Variants in ACOX3 observed in about 807,000 individuals in gnomAD.
ACOX3 encodes acyl-CoA oxidase 3, pristanoyl, also known as peroxisomal acyl-coenzyme A oxidase 3.
In ACOX3, 73 loss-of-function variants were observed where a neutral mutation model predicts 81.5. The observed-to-expected ratio is 0.90, with a 90% CI of 0.74 to 1.09. The LOEUF (loss-of-function observed/expected upper bound fraction) is 1.09, where lower values mean the gene tolerates loss of function less well. Ranked by LOEUF, ACOX3 falls within the 50% of genes least tolerant of loss-of-function variation. The pLI, the probability that ACOX3 is intolerant of heterozygous loss-of-function variation, is 0.00. For missense variants in ACOX3, 947 were observed against 928.0 expected, an observed-to-expected ratio of 1.02 and a Z score of -0.27; for synonymous variants, 387 against 375.1, an observed-to-expected ratio of 1.03 and a Z score of -0.37.
Position 8,370,825 on chromosome 4 carries a change from C to G in ACOX3, c.1983+83G>C. 1 of 1,340,314 alleles carries G rather than the reference C, an allele frequency of 7.5e-7. No individual in the cohort carries two copies. The highest frequency in any genetic ancestry group is 1.2e-5 in the South Asian group (1 of 83,582). The allele number at this position is 1,340,314 out of a possible 1,614,324, so 83.0% of individuals were successfully genotyped here. On this transcript the variant is annotated intron_variant, in intron 17 of 17. Coordinates refer to ENST00000356406, the MANE Select transcript of ACOX3 (RefSeq NM_003501.3). This position sits in a 1 kb window ranked among gnomAD's most constrained non-coding sequence, Gnocchi z 6.3. ...ACCACTTTCCAGAAGACACCAGACC[C>G]CTGACCCACAGGAGCATCTCAGCTC...
chr4:8,394,868 C>G lies in ACOX3; in HGVS notation c.1057-126G>C, dbSNP rs1719507508. The G allele has an allele frequency of 3.2e-6, 4 of 1,247,170 alleles. No homozygotes were observed. The highest frequency in any genetic ancestry group is 3.2e-6 in the Non-Finnish European group (3 of 925,426). The allele number at this position is 1,247,170 out of a possible 1,614,324, so 77.3% of individuals were successfully genotyped here. On this transcript the variant is annotated intron_variant, in intron 9 of 17. Coordinates refer to ENST00000356406, the MANE Select transcript of ACOX3 (RefSeq NM_003501.3). The surrounding 1 kb of genome is among the most constrained non-coding windows in gnomAD (Gnocchi z 5.9). Reference sequence around the variant, plus strand: ...CCACACACCCACTAGCGCTGAAGGTCTTCACATGTCTTCCCGGCACATCAG... The same window carrying G: ...CCACACACCCACTAGCGCTGAAGGTGTTCACATGTCTTCCCGGCACATCAG...
At chr4:8,397,583 A>C (rs1056555899) in intron 8 of ACOX3, among the ~76,000 whole-genome samples, 4 of 152,244 alleles carry the variant, frequency 2.6e-5, no homozygotes, top group African/African-American at 9.6e-5. Flanking sequence ...GTGAACAGGC[A>C]GTTCCTTTAC....
At chr4:8,438,341 C>T (rs550995757) in intron 1 of ACOX3, among the ~76,000 whole-genome samples, 1 of 152,288 alleles carries the variant, frequency 6.6e-6, no homozygotes, top group East Asian at 1.9e-4. Flanking sequence ...CTATTGGCTG[C>T]AAAGTTCAAG....
At position 8,407,976 on chromosome 4, in the gene ACOX3, C is replaced by T. The variant is rs1721196649; in HGVS notation, c.688-1933G>A. ...GACGCCAGAAGTGCTCAGCCCAGCC[C>T]TGGGCATACAGGGCGCCCCAGTGAG... On this transcript the variant is annotated intron_variant, in intron 6 of 17. Transcript: ENST00000356406. The surrounding 1 kb of genome is among the most constrained non-coding windows in gnomAD (Gnocchi z 4.6). Among the ~76,000 whole-genome samples, 4 of 152,210 alleles carry T rather than the reference C, an allele frequency of 2.6e-5. No homozygotes were observed. Among genetic ancestry groups the T allele is most frequent in the Non-Finnish European group, 2.9e-5 (2 of 68,028 alleles).
intron 6 of ACOX3, among the ~76,000 whole-genome samples, chr4:8,408,460 G>A (rs1348665434): frequency 6.6e-6 from 1 of 152,070 alleles, no homozygotes; most frequent in Non-Finnish European, 1.5e-5. Flanking sequence ...GTGGCGAGAG[G>A]GGCGACACAA....
At chr4:8,421,624 A>C (rs1321291846) in intron 1 of ACOX3, among the ~76,000 whole-genome samples, 1 of 152,192 alleles carries the variant, frequency 6.6e-6, no homozygotes, top group Non-Finnish European at 1.5e-5. Flanking sequence ...CTAGGTACTA[A>C]TGCTTCAGAC....
Position 8,367,015 on chromosome 4 carries a change from C to T in ACOX3, c.2049G>A (p.Trp683Ter), listed in dbSNP as rs1247369909. The change falls in exon 18 of 18, where the codon TGG becomes TGA. Residue 683 changes from tryptophan to a stop codon, truncating the protein, a stop_gained. Transcript: ENST00000356406. LOFTEE classifies it low-confidence loss of function (END_TRUNC). The stretch of plus-strand genomic sequence containing the variant: ...CAGGTTTGTTCACAGAAAACTCTGG[C>T]CACCAGGATGCCCGCTCCAACACCT... ...ESKVLERASW[W>*]PEFSVNKPVI... 3.1e-6 allele frequency: 5 copies of T among 1,614,122 alleles called. No individual in the cohort carries two copies. In the South Asian group the frequency reaches 4.4e-5, roughly 14 times the overall value.
intron 6 of ACOX3, among the ~76,000 whole-genome samples, chr4:8,409,960 CAGGGTTGTGGGAT>C (rs1486398869): frequency 6.0e-5 from 9 of 149,586 alleles, no homozygotes; most frequent in African/African-American, 2.2e-4. Context: ...GCACTGTGGG[CAGGGTTGTGGGAT>C]GCACTGTGGA....
At position 8,432,237 on chromosome 4, in the gene ACOX3, T is replaced by C. The variant is rs1370982463; in HGVS notation, c.-15+8411A>G. Among the ~76,000 whole-genome samples, 1 of 152,128 alleles carries C rather than the reference T, an allele frequency of 6.6e-6. No individual in the cohort carries two copies. Among genetic ancestry groups the C allele is most frequent in the Non-Finnish European group, 1.5e-5 (1 of 68,028 alleles). ...GGCAAATGTTACTGGCTTGAGCCAA[T>C]GAATTTTTTTTTTCGAGATGGAGTC... On this transcript the variant is annotated intron_variant, in intron 1 of 17. Coordinates refer to ENST00000356406, the MANE Select transcript of ACOX3 (RefSeq NM_003501.3). This position sits in a 1 kb window ranked among gnomAD's most constrained non-coding sequence, Gnocchi z 6.2.
rs1472201429 is a variant in ACOX3 at position 8,370,038 on chromosome 4, T to C, written c.1983+870A>G. Among the ~76,000 whole-genome samples, 1 of 152,106 alleles carries C rather than the reference T, an allele frequency of 6.6e-6. No individual in the cohort carries two copies. Among genetic ancestry groups the C allele is most frequent in the Non-Finnish European group, 1.5e-5 (1 of 68,022 alleles). ...AGGTGGGAGGGAGACACAAGGTCAG[T>C]GATGAGGCCAGCAAGGGCAGCACTA... On this transcript the variant is annotated intron_variant, in intron 17 of 17. Coordinates refer to ENST00000356406, the MANE Select transcript of ACOX3 (RefSeq NM_003501.3). This position sits in a 1 kb window ranked among gnomAD's most constrained non-coding sequence, Gnocchi z 6.3.
At chr4:8,357,627 T>C in the ACOX3 span, 3 of 275,060 alleles carry the variant, frequency 1.1e-5, no homozygotes, top group Non-Finnish European at 2.1e-5. Flanking sequence ...AAATGTTTTA[T>C]TTTCAAAATG....
At chr4:8,410,467 G>C in intron 5 of ACOX3, 112 bp from the exon 6 acceptor site, 4 of 1,390,304 alleles carry the variant, frequency 2.9e-6, no homozygotes, top group South Asian at 2.7e-5. Context: ...TCTGAGGCAA[G>C]AGTTGAAACT....
chr4:8,383,915 A>G (rs1271136891), intron 13 of ACOX3, among the ~76,000 whole-genome samples: 1 of 152,192 alleles, frequency 6.6e-6, no homozygotes, highest in East Asian at 1.9e-4. Context: ...TTACACAGCA[A>G]CAAAACCAAG....
rs528137518 is a variant in ACOX3 at position 8,406,460 on chromosome 4, C to A, written c.688-417G>T. 1.3e-4 allele frequency among the ~76,000 whole-genome samples: 20 copies of A among 152,270 alleles called. No individual in the cohort carries two copies. The highest frequency in any genetic ancestry group is 6.8e-3 in the Middle Eastern group (2 of 294). On this transcript the variant is annotated intron_variant, in intron 6 of 17. Coordinates refer to ENST00000356406, the MANE Select transcript of ACOX3 (RefSeq NM_003501.3). The surrounding 1 kb of genome is among the most constrained non-coding windows in gnomAD (Gnocchi z 5.6). ...CTCCCCGTGTGTGGAGACAAGAGAG[C>A]ATAGAGATAAAGACACAAGACAAAG...
In ACOX3 at chr4:8,406,132, C is replaced by T. The variant is rs900064938; in HGVS notation, c.688-89G>A. ...TGTGTTCAGAAACCCACAGGGTGGG[C>T]CATGGGCTCAACGCTGGGCGGCTGT... On this transcript the variant is annotated intron_variant, in intron 6 of 17. Coordinates refer to ENST00000356406, the MANE Select transcript of ACOX3 (RefSeq NM_003501.3). This position sits in a 1 kb window ranked among gnomAD's most constrained non-coding sequence, Gnocchi z 5.6. The T allele has an allele frequency of 8.4e-5, 110 of 1,309,366 alleles. No homozygotes were observed. Among genetic ancestry groups the T allele is most frequent in the Non-Finnish European group, 1.2e-4 (109 of 909,202 alleles). 81.1% of individuals were successfully genotyped at this position (1,309,366 alleles called of 1,614,324 possible). A position where few individuals can be genotyped will look rare whatever the true frequency, so the allele number is the denominator to read the frequency against.
rs956258239 is a variant in ACOX3, at chr4:8,368,852, T to G, written c.1984-1772A>C. Among the ~76,000 whole-genome samples the G allele has an allele frequency of 2.0e-5, 3 of 151,882 alleles. No individual in the cohort carries two copies. The highest frequency in any genetic ancestry group is 2.9e-5 in the Non-Finnish European group (2 of 67,946). ...TCAGGGGATCCTCTCACCTCAGTTT[T>G]TGTAATTTTTATGGATGGGGTTTCA... On this transcript the variant is annotated intron_variant, in intron 17 of 17. Coordinates refer to ENST00000356406, the MANE Select transcript of ACOX3 (RefSeq NM_003501.3). The surrounding 1 kb of genome is among the most constrained non-coding windows in gnomAD (Gnocchi z 5.9).
At chr4:8,363,769 C>A (rs1383939824), downstream of ACOX3, among the ~76,000 whole-genome samples, 2 of 152,098 alleles carry the variant, frequency 1.3e-5, no homozygotes, top group African/African-American at 2.4e-5. Flanking sequence ...TCGGCTAAAA[C>A]CCACCAAAAC....
At chr4:8,360,864 C>T in the ACOX3 span, among the ~76,000 whole-genome samples, 1 of 152,152 alleles carries the variant, frequency 6.6e-6, no homozygotes, top group Admixed American at 6.5e-5. Context: ...CCTAGCTATG[C>T]TGGAGTCAGC....
Position 8,437,707 on chromosome 4 carries a change from G to A in ACOX3, c.-15+2941C>T, listed in dbSNP as rs1488197478. On this transcript the variant is annotated intron_variant, in intron 1 of 17. Coordinates refer to ENST00000356406, the MANE Select transcript of ACOX3 (RefSeq NM_003501.3). The surrounding 1 kb of genome is among the most constrained non-coding windows in gnomAD (Gnocchi z 5.2). ...CTAGAGAGACATTAATGTGTGAGAT[G>A]AAAAAAGAAAGGACACTAGAAGGGT... Among the ~76,000 whole-genome samples the A allele has an allele frequency of 6.6e-6, 1 of 152,172 alleles. No homozygotes were observed. Among genetic ancestry groups the A allele is most frequent in the Non-Finnish European group, 1.5e-5 (1 of 68,020 alleles).
Sources: allele counts gnomAD v4.1 joint callset (sites outside exome capture counted in the v4.1 genomes callset), GRCh38; gene constraint gnomAD v4.1.1; non-coding constraint Gnocchi (gnomAD v3.1); transcripts MANE v1.5; gene names NCBI Gene and HGNC (gene_info 2026-07-23, HGNC 2026-07-21).